The following SLC38A11 variants were observed in gnomAD, a reference collection of about 807,000 sequenced individuals.
SLC38A11 encodes solute carrier family 38 member 11.
SLC38A11 carries 51 observed loss-of-function variants against 49.4 expected under a neutral mutation model. The ratio of observed to expected loss-of-function variants is 1.03; its 90% CI spans 0.83 to 1.30. The LOEUF is 1.30. Among genes scored for constraint, SLC38A11 ranks in the 50% most tolerant of loss-of-function variants. The pLI, the probability that SLC38A11 is intolerant of heterozygous loss-of-function variation, is 0.00. For synonymous variants in SLC38A11, 203 were observed against 192.9 expected, an observed-to-expected ratio of 1.05 and a Z score of -0.43; for missense variants, 574 against 556.2, an observed-to-expected ratio of 1.03 and a Z score of -0.32.
rs56270674 is a variant in SLC38A11 at position 164,916,388 on chromosome 2, A to C, written c.618-415T>G. Reference sequence around the variant, plus strand: ...TATTTTTTTCAGGCTTAACCTACCCAAGAAAAATTTAGTCAGCACTAAAAT... The same window carrying C: ...TATTTTTTTCAGGCTTAACCTACCCCAGAAAAATTTAGTCAGCACTAAAAT... On this transcript the variant is annotated intron_variant, in intron 7 of 11. Coordinates refer to ENST00000685975, the MANE Select transcript of SLC38A11 (RefSeq NM_001351537.2). Among the ~76,000 whole-genome samples the C allele has an allele frequency of 2.8e-3, 421 of 152,232 alleles. 4 individuals are homozygous for C. Among genetic ancestry groups the C allele is most frequent in the African/African-American group, 9.6e-3 (401 of 41,558 alleles).
chr2:164,937,320 A>C (rs1395340617), intron 7 of SLC38A11, 30 bp downstream of exon 7: 5 of 1,459,322 alleles, frequency 3.4e-6, no homozygotes, highest in Non-Finnish European at 4.8e-6. Context: ...CTATAAATCA[A>C]AGACTGACAA....
chr2:164,952,349 A>T (rs1688579049), intron 3 of SLC38A11, among the ~76,000 whole-genome samples: 2 of 152,170 alleles, frequency 1.3e-5, no homozygotes, highest in African/African-American at 4.8e-5. Context: ...GCTCATTCAC[A>T]CGCACCTGCC....
intron 4 of SLC38A11, among the ~76,000 whole-genome samples, chr2:164,945,124 A>G (rs924717726): frequency 2.6e-5 from 4 of 152,186 alleles, no homozygotes; most frequent in Non-Finnish European, 5.9e-5. Flanking sequence ...ATTTTTAAAA[A>G]TGAAGTCAAT....
At chr2:164,936,190 A>G (rs1027047557) in intron 7 of SLC38A11, among the ~76,000 whole-genome samples, 1 of 152,158 alleles carries the variant, frequency 6.6e-6, no homozygotes, top group Non-Finnish European at 1.5e-5. Flanking sequence ...CTTTATTTCA[A>G]TTCTTTAAAA....
intron 9 of SLC38A11, 76 bp from the exon 10 acceptor site, chr2:164,911,824 A>G: frequency 2.7e-6 from 2 of 741,472 alleles, no homozygotes; most frequent in South Asian, 2.4e-5. Context: ...ATTAAATATT[A>G]GATATTACAG....
chr2:164,926,946 G>A (rs370497823), intron 7 of SLC38A11, among the ~76,000 whole-genome samples: 11,214 of 150,616 alleles, frequency 0.074, 461 homozygotes, highest in Admixed American at 0.1. Context: ...ACACCAACAT[G>A]GCACATGTAT....
rs570598528 is a variant in SLC38A11 at position 164,904,047 on chromosome 2, C to T, written c.1095+4593G>A. Among the ~76,000 whole-genome samples, 4 of 152,268 alleles carry T rather than the reference C, an allele frequency of 2.6e-5. No homozygotes were observed. The South Asian group carries it at 8.3e-4, about 32-fold the overall frequency. On this transcript the variant is annotated intron_variant, in intron 11 of 11. Transcript: ENST00000685975. ...TCTCTCTTGCTCAGGAAGTCTTTGG[C>T]AACTGGGATTATGGCTTGCTCACCC... is the stretch of plus-strand genomic sequence containing the variant.
rs1574032129 is a variant in SLC38A11 at position 164,955,207 on chromosome 2, A to G, written c.39+2T>C. 1 of 1,550,440 alleles carries G rather than the reference A, an allele frequency of 6.4e-7. No homozygotes were observed. Among genetic ancestry groups the G allele is most frequent in the Non-Finnish European group, 8.7e-7 (1 of 1,146,966 alleles). On this transcript the variant is annotated splice_donor_variant, in intron 1 of 11. Coordinates refer to ENST00000685975, the MANE Select transcript of SLC38A11 (RefSeq NM_001351537.2). LOFTEE classifies it high-confidence loss of function. ...CAGAACCTGCCTAGTCGCTAGTTTT[A>G]CCTGCGGCGGGATGACAGGCTCCTG...
intron 11 of SLC38A11, among the ~76,000 whole-genome samples, chr2:164,905,245 G>A (rs542679805): frequency 6.6e-6 from 1 of 152,034 alleles, no homozygotes; most frequent in East Asian, 1.9e-4. Flanking sequence ...AGCCTCCCGA[G>A]TGGTTGGGAC....
At chr2:164,952,961 G>A in intron 2 of SLC38A11, 180 bp from the exon 3 acceptor site, 1 of 539,734 alleles carries the variant, frequency 1.9e-6, no homozygotes. Context: ...ACTTATTTCA[G>A]AATAAAATGT....
At chr2:164,919,990 C>T (rs766203229) in intron 7 of SLC38A11, among the ~76,000 whole-genome samples, 52 of 152,148 alleles carry the variant, frequency 3.4e-4, no homozygotes, top group Non-Finnish European at 6.0e-4. Flanking sequence ...GAAATAACTT[C>T]CATAGACCAG....
At chr2:164,915,359 T>C in intron 8 of SLC38A11, 86 bp from the exon 9 acceptor site, 12 of 1,167,768 alleles carry the variant, frequency 1.0e-5, no homozygotes, top group Non-Finnish European at 1.3e-5. Flanking sequence ...TATACTACTT[T>C]AGATGCCAAT....
intron 9 of SLC38A11, among the ~76,000 whole-genome samples, chr2:164,913,003 A>T (rs1429003497): frequency 6.6e-6 from 1 of 152,086 alleles, no homozygotes; most frequent in Non-Finnish European, 1.5e-5. Context: ...CCTTTTTAAA[A>T]TTAAACTTAA....
At chr2:164,910,990 T>C (rs1282711881) in intron 10 of SLC38A11, among the ~76,000 whole-genome samples, 2 of 151,866 alleles carry the variant, frequency 1.3e-5, no homozygotes, top group African/African-American at 4.8e-5. Flanking sequence ...CAATACAATA[T>C]ATTTATATGT....
At chr2:164,903,508 C>G (rs1684797276) in intron 11 of SLC38A11, among the ~76,000 whole-genome samples, 1 of 152,126 alleles carries the variant, frequency 6.6e-6, no homozygotes, top group Non-Finnish European at 1.5e-5. Flanking sequence ...ATACCAGCTA[C>G]TTTCTTGATA....
chr2:164,937,428 A>G lies in SLC38A11; in HGVS notation c.539T>C (p.Val180Ala), dbSNP rs1687447504. 12 of 1,597,210 alleles carry G rather than the reference A, an allele frequency of 7.5e-6. No individual in the cohort carries two copies. In the South Asian group the frequency reaches 1.3e-4, roughly 18 times the overall value. The change falls in exon 7 of 12, where the codon GTC (valine) becomes GCC (alanine). Residue 180 changes from valine (V) to alanine (A), a missense_variant and splice_region_variant. Coordinates refer to ENST00000685975, the MANE Select transcript of SLC38A11 (RefSeq NM_001351537.2). ...TGTTAAACCTGTAGAGATGAGGGAG[A>G]CCTGTAAAAGAAAATACAAGGATAT... is the stretch of plus-strand genomic sequence containing the variant. Reference protein sequence around the residue: ...LYRNIAKLGKVSLISTGLTTL... With the variant: ...LYRNIAKLGKASLISTGLTTL...
At position 164,898,704 on chromosome 2, in the gene SLC38A11, A is replaced by C; in HGVS notation, c.1122T>G (p.Ile374Met). ...LNGVLCATPL[I>M]FIIPSACYLK... ...GATAACAGGCTGATGGAATGATAAA[A>C]ATGAGGGGAGTTGCACAGAGCACAC... Residue 374 changes from isoleucine (I) to methionine (M), a missense_variant, in exon 12 of 12, where the codon ATT (isoleucine) becomes ATG (methionine). Transcript: ENST00000685975. The C allele has an allele frequency of 1.9e-6, 3 of 1,613,388 alleles. No individual in the cohort carries two copies. The highest frequency in any genetic ancestry group is 1.7e-6 in the Non-Finnish European group (2 of 1,179,596).
intron 11 of SLC38A11, among the ~76,000 whole-genome samples, chr2:164,907,704 A>C (rs1685115538): frequency 6.6e-6 from 1 of 152,198 alleles, no homozygotes; most frequent in Non-Finnish European, 1.5e-5. Context: ...TGATCAGTGA[A>C]TGTGAATAAA....
chr2:164,953,927 A>G (rs576305545), intron 2 of SLC38A11, among the ~76,000 whole-genome samples: 1 of 152,290 alleles, frequency 6.6e-6, no homozygotes, highest in Admixed American at 6.5e-5. Flanking sequence ...TTTTATTACT[A>G]TAATGCAATG....
Sources: gnomAD v4.1 joint callset for allele counts (sites outside exome capture counted in the v4.1 genomes callset) on GRCh38, gnomAD v4.1.1 for gene constraint, MANE v1.5 for transcripts, NCBI Gene and HGNC (gene_info 2026-07-23, HGNC 2026-07-21) for gene names.